Variants in CNTNAP2 observed in about 807,000 individuals in gnomAD.
The protein encoded by CNTNAP2 is contactin associated protein 2.
A neutral mutation model predicts 155.2 loss-of-function variants in CNTNAP2; 98 were observed. That is an observed-to-expected ratio of 0.63 (90% CI 0.54 to 0.75). CNTNAP2 has a LOEUF of 0.75. Among genes scored for constraint, CNTNAP2 ranks in the 30% least tolerant of loss-of-function variants. CNTNAP2 has a pLI of 0.00. For missense variants in CNTNAP2, 1,727 were observed against 1,688.1 expected (o/e 1.02, Z -0.40); for synonymous variants, 651 against 631.2 (o/e 1.03, Z -0.47).
chr7:147,905,799 G>C (rs1483318206), intron 14 of CNTNAP2, among the ~76,000 whole-genome samples: 2 of 151,936 alleles, frequency 1.3e-5, no homozygotes, highest in Non-Finnish European at 2.9e-5. Context: ...CAGGAGAATC[G>C]CTTGAACCCA....
intron 12 of CNTNAP2, among the ~76,000 whole-genome samples, chr7:147,616,961 C>T (rs1384360857): frequency 6.6e-6 from 1 of 152,146 alleles, no homozygotes; most frequent in Admixed American, 6.6e-5. Flanking sequence ...AAGTTTTCTA[C>T]ACCCACGCCT....
intron 3 of CNTNAP2, among the ~76,000 whole-genome samples, chr7:146,935,552 G>T (rs1411123616): frequency 2.0e-5 from 3 of 152,130 alleles, no homozygotes; most frequent in Non-Finnish European, 4.4e-5. Context: ...TCCATGGTTT[G>T]GAGTAAAAGA....
At chr7:147,116,109 A>G (rs1447505359) in intron 5 of CNTNAP2, among the ~76,000 whole-genome samples, 1 of 152,092 alleles carries the variant, frequency 6.6e-6, no homozygotes, top group Non-Finnish European at 1.5e-5. Flanking sequence ...TCGAGACACT[A>G]GTTGCCTCTG....
intron 10 of CNTNAP2, among the ~76,000 whole-genome samples, chr7:147,405,958 G>A (rs7805259): frequency 0.47 from 71,497 of 151,922 alleles, 19,608 homozygotes; most frequent in African/African-American, 0.77. Flanking sequence ...ACACCCAAAG[G>A]CCCCAGAGTA....
chr7:147,211,474 C>A (rs760927606), intron 8 of CNTNAP2, among the ~76,000 whole-genome samples: 4 of 151,916 alleles, frequency 2.6e-5, no homozygotes, highest in Non-Finnish European at 4.4e-5. Flanking sequence ...GGCACATAGA[C>A]CAATAGAAGA....
intron 3 of CNTNAP2, among the ~76,000 whole-genome samples, chr7:146,922,468 C>G (rs1796522910): frequency 1.3e-5 from 2 of 152,076 alleles, no homozygotes; most frequent in South Asian, 4.1e-4. Context: ...AACACCTGCA[C>G]TCCTGTATCA....
chr7:147,917,246 T>C (rs1244985563), intron 14 of CNTNAP2, among the ~76,000 whole-genome samples: 2 of 152,238 alleles, frequency 1.3e-5, no homozygotes. Context: ...AGATTATTTT[T>C]GGCCATCTTT....
chr7:148,234,741 T>A (rs1796017868), intron 20 of CNTNAP2, among the ~76,000 whole-genome samples: 1 of 152,230 alleles, frequency 6.6e-6, no homozygotes. Flanking sequence ...TTTGAACTGA[T>A]CCTAGGATAA....
intron 9 of CNTNAP2, among the ~76,000 whole-genome samples, chr7:147,393,483 CAA>C (rs753538177): frequency 1.5e-4 from 13 of 89,334 alleles, no homozygotes; most frequent in Non-Finnish European, 2.0e-4. Flanking sequence ...CCCAATTATT[CAA>C]AAAAAAAAAA....
chr7:147,764,765 A>C (rs1425885564), intron 13 of CNTNAP2, among the ~76,000 whole-genome samples: 1 of 152,124 alleles, frequency 6.6e-6, no homozygotes, highest in Non-Finnish European at 1.5e-5. Context: ...AACACCTACA[A>C]GATGTTTTAT....
At chr7:147,370,821 A>C (rs1796327870) in intron 9 of CNTNAP2, among the ~76,000 whole-genome samples, 2 of 152,148 alleles carry the variant, frequency 1.3e-5, no homozygotes, top group Admixed American at 6.6e-5. Flanking sequence ...TTATTTTTTT[A>C]ATTAGAAATT....
At chr7:148,192,544 A>T (rs979062215) in intron 18 of CNTNAP2, among the ~76,000 whole-genome samples, 2 of 152,026 alleles carry the variant, frequency 1.3e-5, no homozygotes, top group Non-Finnish European at 2.9e-5. Flanking sequence ...AAAAAAAACA[A>T]AAAACAAAAA....
At chr7:147,613,725 C>G (rs1801231245) in intron 12 of CNTNAP2, among the ~76,000 whole-genome samples, 1 of 152,088 alleles carries the variant, frequency 6.6e-6, no homozygotes, top group Admixed American at 6.6e-5. Flanking sequence ...CACCCATAAT[C>G]CCAGCTACTT....
At chr7:146,544,956 A>C (rs528040694) in intron 1 of CNTNAP2, among the ~76,000 whole-genome samples, 2 of 151,922 alleles carry the variant, frequency 1.3e-5, no homozygotes, top group Non-Finnish European at 2.9e-5. Flanking sequence ...AGTGTCTGAA[A>C]CTTAGGCCTG....
At chr7:147,485,309 A>G (rs769837367) in intron 10 of CNTNAP2, among the ~76,000 whole-genome samples, 1 of 152,218 alleles carries the variant, frequency 6.6e-6, no homozygotes, top group African/African-American at 2.4e-5. Context: ...AGTAGCTACA[A>G]TTAGTCATCT....
chr7:146,947,287 C>T (rs1797196657), intron 3 of CNTNAP2, among the ~76,000 whole-genome samples: 1 of 150,584 alleles, frequency 6.6e-6, no homozygotes, highest in South Asian at 2.1e-4. Flanking sequence ...TTTTTTTCTC[C>T]AGCTTCTCAA....
chr7:146,494,291 A>G (rs1455565321), intron 1 of CNTNAP2, among the ~76,000 whole-genome samples: 4 of 152,078 alleles, frequency 2.6e-5, no homozygotes, highest in Admixed American at 1.3e-4. Flanking sequence ...CAGAGATCGC[A>G]CCACTGCACT....
chr7:147,375,401 C>A (rs1334516001), intron 9 of CNTNAP2, among the ~76,000 whole-genome samples: 1 of 151,936 alleles, frequency 6.6e-6, no homozygotes, highest in Non-Finnish European at 1.5e-5. Flanking sequence ...GGTAATTATG[C>A]CATTTTCACC....
chr7:146,896,878 C>T (rs1444800576), intron 3 of CNTNAP2, among the ~76,000 whole-genome samples: 1 of 151,656 alleles, frequency 6.6e-6, no homozygotes, highest in African/African-American at 2.4e-5. Flanking sequence ...ATTTATTTAA[C>T]TTATTAATTA....
Sources: allele counts gnomAD v4.1 joint callset (sites outside exome capture counted in the v4.1 genomes callset), GRCh38; gene constraint gnomAD v4.1.1; transcripts MANE v1.5; gene names NCBI Gene and HGNC (gene_info 2026-07-23, HGNC 2026-07-21).